MAD1L1: variants seen among roughly 807,000 people sequenced by gnomAD.
The protein encoded by MAD1L1 is mitotic spindle assembly checkpoint protein MAD1.
A neutral mutation model predicts 96.9 loss-of-function variants in MAD1L1; 95 were observed. The ratio of observed to expected loss-of-function variants is 0.98; its 90% CI spans 0.83 to 1.16. MAD1L1 has a LOEUF of 1.16. Among genes scored for constraint, MAD1L1 ranks in the 50% most tolerant of loss-of-function variants. The pLI, the probability that MAD1L1 is intolerant of heterozygous loss-of-function variation, is 0.00. For synonymous variants in MAD1L1, 473 were observed against 396.6 expected (o/e 1.19, Z -2.29); for missense variants, 1,007 against 954.4 (o/e 1.06, Z -0.73).
rs1031032483 is a variant in MAD1L1 at position 1,868,487 on chromosome 7, C to T, written c.1998+29713G>A. Among the ~76,000 whole-genome samples, 18 of 148,904 alleles carry T rather than the reference C, an allele frequency of 1.2e-4. 1 individual carries two copies. Among genetic ancestry groups the T allele is most frequent in the Non-Finnish European group, 3.0e-5 (2 of 66,958 alleles). On this transcript the variant is annotated intron_variant, in intron 18 of 18. Coordinates refer to ENST00000265854, the MANE Select transcript of MAD1L1 (RefSeq NM_001013836.2). The stretch of plus-strand genomic sequence containing the variant: ...CCAGCGAGGCCTCCCACCCACCCCA[C>T]CCCACGGATAATTTACACAAAGAAA...
intron 12 of MAD1L1, among the ~76,000 whole-genome samples, chr7:2,028,978 G>A (rs554296601): frequency 6.6e-6 from 1 of 152,270 alleles, no homozygotes; most frequent in South Asian, 2.1e-4. Flanking sequence ...CAAGAAGACA[G>A]GAGTGAAACC....
intron 18 of MAD1L1, among the ~76,000 whole-genome samples, chr7:1,882,255 G>A (rs116904298): frequency 0.011 from 1,601 of 152,318 alleles, 17 homozygotes; most frequent in Non-Finnish European, 0.018. Flanking sequence ...CCTGGGAGAT[G>A]TTAGCACACG....
chr7:1,906,372 A>T (rs73288788), intron 17 of MAD1L1, among the ~76,000 whole-genome samples: 1 of 152,160 alleles, frequency 6.6e-6, no homozygotes, highest in Non-Finnish European at 1.5e-5. Context: ...CTCTCCTGGG[A>T]TATTCATGCC....
chr7:1,866,880 G>C (rs1442993165), intron 18 of MAD1L1, among the ~76,000 whole-genome samples: 2 of 152,328 alleles, frequency 1.3e-5, no homozygotes, highest in East Asian at 3.9e-4. Context: ...GCGCTGGCTG[G>C]GCCAGGCTCC....
chr7:1,975,738 G>A (rs1583968868), intron 15 of MAD1L1, among the ~76,000 whole-genome samples: 1 of 152,130 alleles, frequency 6.6e-6, no homozygotes, highest in Non-Finnish European at 1.5e-5. Flanking sequence ...TGAAGAGTGG[G>A]GACCTCGGGT....
rs531722326 is a variant in MAD1L1 at position 2,025,235 on chromosome 7, C to T, written c.1219-10593G>A. ...TTAAAAAATTATAGATCTAGAGGAA[C>T]ATTTCAACAACACTTCTCCTGCCAA... On this transcript the variant is annotated intron_variant, in intron 12 of 18. Transcript: ENST00000265854. 1.4e-3 allele frequency among the ~76,000 whole-genome samples: 217 copies of T among 152,288 alleles called. 1 individual carries two copies. The highest frequency in any genetic ancestry group is 4.6e-3 in the African/African-American group (191 of 41,542).
chr7:2,058,797 C>A (rs576990847), intron 12 of MAD1L1, among the ~76,000 whole-genome samples: 1 of 97,454 alleles, frequency 1.0e-5, no homozygotes, highest in Non-Finnish European at 2.0e-5. Flanking sequence ...AGAGGAGAGG[C>A]GCGGGGCTGG....
intron 18 of MAD1L1, among the ~76,000 whole-genome samples, chr7:1,857,191 C>T (rs1009418776): frequency 2.6e-5 from 4 of 152,208 alleles, no homozygotes; most frequent in Admixed American, 6.5e-5. Context: ...GAGCGCGGAC[C>T]GTACTGGCAC....
chr7:1,866,673 C>T (rs987800285), intron 18 of MAD1L1, among the ~76,000 whole-genome samples: 2 of 152,196 alleles, frequency 1.3e-5, no homozygotes, highest in Non-Finnish European at 2.9e-5. Context: ...CAGAGCAGTC[C>T]TGCTTGGCGG....
Position 1,874,005 on chromosome 7 carries a change from G to C in MAD1L1, c.1998+24195C>G, listed in dbSNP as rs183323754. Reference sequence around the variant, plus strand: ...GGGTCAGTTCCGGTGGGGAGGCGTGGAACACACACAGGCCCAGGCTGAGGA... The same window carrying C: ...GGGTCAGTTCCGGTGGGGAGGCGTGCAACACACACAGGCCCAGGCTGAGGA... On this transcript the variant is annotated intron_variant, in intron 18 of 18. Transcript: ENST00000265854. Among the ~76,000 whole-genome samples the C allele has an allele frequency of 5.2e-3, 788 of 151,888 alleles. 3 individuals are homozygous for C. The highest frequency in any genetic ancestry group is 5.3e-3 in the Non-Finnish European group (357 of 67,908).
intron 18 of MAD1L1, among the ~76,000 whole-genome samples, chr7:1,876,052 C>A (rs189792468): frequency 2.6e-5 from 4 of 152,338 alleles, no homozygotes; most frequent in East Asian, 1.9e-4. Flanking sequence ...GTGAGACACA[C>A]GTTTGCGGTC....
intron 17 of MAD1L1, among the ~76,000 whole-genome samples, chr7:1,914,730 C>T (rs1788262490): frequency 6.6e-6 from 1 of 152,220 alleles, no homozygotes; most frequent in Non-Finnish European, 1.5e-5. Flanking sequence ...TGTCCTGCCT[C>T]AGCCTCCAGA....
Position 2,130,584 on chromosome 7 carries a change from A to G in MAD1L1, c.1073+18568T>C, listed in dbSNP as rs146080078. On this transcript the variant is annotated intron_variant, in intron 11 of 18. Coordinates refer to ENST00000265854, the MANE Select transcript of MAD1L1 (RefSeq NM_001013836.2). ...TCCAAAGGTGTGTCCTATCACTCCT[A>G]CTTGTAAAAGAAAATAAAATGTCAG... Among the ~76,000 whole-genome samples, 24 of 152,232 alleles carry G rather than the reference A, an allele frequency of 1.6e-4. No individual in the cohort carries two copies. The East Asian group carries it at 4.4e-3, about 28-fold the overall frequency.
At chr7:1,825,007 A>AATT (rs1782317684) in intron 18 of MAD1L1, among the ~76,000 whole-genome samples, 1 of 151,582 alleles carries the variant, frequency 6.6e-6, no homozygotes, top group Non-Finnish European at 1.5e-5. Context: ...ACTCTTAGAA[A>AATT]ATCAAAATGT....
At chr7:1,885,924 G>C (rs530596940) in intron 18 of MAD1L1, among the ~76,000 whole-genome samples, 1 of 152,356 alleles carries the variant, frequency 6.6e-6, no homozygotes, top group East Asian at 1.9e-4. Context: ...TCTGGCCCCA[G>C]CCCTGGGGGC....
intron 18 of MAD1L1, among the ~76,000 whole-genome samples, chr7:1,839,403 G>A (rs1407402121): frequency 2.6e-5 from 4 of 150,944 alleles, no homozygotes; most frequent in African/African-American, 7.3e-5. Flanking sequence ...CTGCCCACCC[G>A]GTGCCATGGC....
chr7:1,967,532 T>G (rs144764275), intron 15 of MAD1L1, among the ~76,000 whole-genome samples: 1 of 152,190 alleles, frequency 6.6e-6, no homozygotes, highest in Admixed American at 6.5e-5. Context: ...TAAAGGCAGC[T>G]GGCGGGAGGG....
chr7:2,060,256 TG>T (rs1784589762), intron 12 of MAD1L1, among the ~76,000 whole-genome samples: 2 of 144,594 alleles, frequency 1.4e-5, no homozygotes, highest in South Asian at 4.5e-4. Flanking sequence ...GATACGCCGA[TG>T]CCGAGATACG....
At position 2,190,637 on chromosome 7, in the gene MAD1L1, A is replaced by G. The variant is rs2128606370; in HGVS notation, c.986+22575T>C. The stretch of plus-strand genomic sequence containing the variant: ...TGACAGTCCAATTAAAAAATGGGGA[A>G]AAGACTTTGAAAAGACACTTCACAA... On this transcript the variant is annotated intron_variant, in intron 10 of 18. Transcript: ENST00000265854. Among the ~76,000 whole-genome samples the G allele has an allele frequency of 1.3e-5, 2 of 152,336 alleles. 1 individual carries two copies. The highest frequency in any genetic ancestry group is 4.1e-4 in the South Asian group (2 of 4,830).
Sources: gnomAD v4.1 joint callset for allele counts (sites outside exome capture counted in the v4.1 genomes callset) on GRCh38, gnomAD v4.1.1 for gene constraint, MANE v1.5 for transcripts, NCBI Gene and HGNC (gene_info 2026-07-23, HGNC 2026-07-21) for gene names.